The following ATP8A2 variants were observed in gnomAD, a reference collection of about 807,000 sequenced individuals.
ATP8A2 encodes phospholipid-transporting ATPase IB.
A neutral mutation model predicts 165.6 loss-of-function variants in ATP8A2; 100 were observed. The ratio of observed to expected loss-of-function variants is 0.60; its 90% CI spans 0.51 to 0.71. The LOEUF (loss-of-function observed/expected upper bound fraction) is 0.71. ATP8A2 is among the 30% of genes least tolerant of loss of function. The pLI is 0.00. For missense variants in ATP8A2, 1,227 were observed against 1,479.5 expected, an observed-to-expected ratio of 0.83 and a Z score of 2.80; for synonymous variants, 543 against 548.8, an observed-to-expected ratio of 0.99 and a Z score of 0.15.
intron 33 of ATP8A2, among the ~76,000 whole-genome samples, chr13:25,875,749 A>G (rs1952805908): frequency 6.6e-6 from 1 of 152,234 alleles, no homozygotes; most frequent in African/African-American, 2.4e-5. Flanking sequence ...ATTCATTGAT[A>G]TTGGCGTTTG....
At chr13:25,482,150 C>T (rs1566171272) in intron 2 of ATP8A2, among the ~76,000 whole-genome samples, 2 of 152,138 alleles carry the variant, frequency 1.3e-5, no homozygotes, top group Non-Finnish European at 1.5e-5. Flanking sequence ...ATAGCATCTT[C>T]CCAAACCCCA....
chr13:25,817,223 A>G (rs1951046014), intron 27 of ATP8A2, among the ~76,000 whole-genome samples: 1 of 152,102 alleles, frequency 6.6e-6, no homozygotes, highest in Non-Finnish European at 1.5e-5. Context: ...TAAGCCTTGA[A>G]CTATAAAAAA....
chr13:25,399,397 CTTTTTTTT>C (rs71077467), intron 1 of ATP8A2, among the ~76,000 whole-genome samples: 1 of 74,058 alleles, frequency 1.4e-5, no homozygotes, highest in Admixed American at 2.1e-4. Context: ...AGTGGTTCTT[CTTTTTTTT>C]TTTTTTTTTT....
chr13:25,809,124 A>C (rs927429542), intron 27 of ATP8A2, among the ~76,000 whole-genome samples: 1 of 152,174 alleles, frequency 6.6e-6, no homozygotes, highest in African/African-American at 2.4e-5. Context: ...ACAGTGAAAT[A>C]CTGCTTTTAA....
chr13:25,783,927 G>A (rs556431207), intron 27 of ATP8A2, among the ~76,000 whole-genome samples: 2 of 152,292 alleles, frequency 1.3e-5, no homozygotes, highest in Non-Finnish European at 2.9e-5. Flanking sequence ...GGTTGATAGA[G>A]CTGGGAGTTT....
At position 25,683,839 on chromosome 13, in the gene ATP8A2, A is replaced by G. The variant is rs865879060; in HGVS notation, c.2212-15334A>G. ...GGGGACAGGCACTTTCCAGTTGGCC[A>G]CAGTCCTCACTACTCCTAATGTCCT... On this transcript the variant is annotated intron_variant, in intron 24 of 36. Coordinates refer to ENST00000381655, the MANE Select transcript of ATP8A2 (RefSeq NM_016529.6). 8.5e-5 allele frequency among the ~76,000 whole-genome samples: 13 copies of G among 152,292 alleles called. 1 individual carries two copies. The highest frequency in any genetic ancestry group is 6.8e-3 in the Middle Eastern group (2 of 294).
In ATP8A2 at chr13:25,726,367, A is replaced by G. The variant is rs1256863967; in HGVS notation, c.2384+27022A>G. Among the ~76,000 whole-genome samples the G allele has an allele frequency of 2.6e-5, 4 of 152,230 alleles. No homozygotes were observed. In the East Asian group the frequency reaches 5.8e-4, roughly 22 times the overall value. On this transcript the variant is annotated intron_variant, in intron 25 of 36. Coordinates refer to ENST00000381655, the MANE Select transcript of ATP8A2 (RefSeq NM_016529.6). ...GTGGGCATGTTCGTTTCCTGTTGCC[A>G]CTGCAACAGATTACCACAAAGGTAG...
chr13:25,884,692 G>A (rs1050562930), intron 33 of ATP8A2, among the ~76,000 whole-genome samples: 1 of 152,274 alleles, frequency 6.6e-6, no homozygotes, highest in Middle Eastern at 3.4e-3. Flanking sequence ...CTCTAACCTT[G>A]GCCTGAGACT....
In ATP8A2 at chr13:25,388,643, A is replaced by T. The variant is rs1023499971; in HGVS notation, c.76+16355A>T. ...ACATAACCGATCAGGTCAGGGGTGGATCTTTAACTACCAGGCCCAGGTGTG... is the reference window on the plus strand; with the variant it reads ...ACATAACCGATCAGGTCAGGGGTGGTTCTTTAACTACCAGGCCCAGGTGTG... On this transcript the variant is annotated intron_variant, in intron 1 of 36. Coordinates refer to ENST00000381655, the MANE Select transcript of ATP8A2 (RefSeq NM_016529.6). Among the ~76,000 whole-genome samples, 5 of 152,256 alleles carry T rather than the reference A, an allele frequency of 3.3e-5. No individual in the cohort carries two copies. The East Asian group carries it at 9.7e-4, about 29-fold the overall frequency.
intron 22 of ATP8A2, among the ~76,000 whole-genome samples, chr13:25,580,529 T>A (rs1045268684): frequency 1.3e-5 from 2 of 151,076 alleles, no homozygotes; most frequent in African/African-American, 4.9e-5. Flanking sequence ...TTCTATAACT[T>A]TTTTTTTTAA....
chr13:25,711,550 T>TA (rs879362105), intron 25 of ATP8A2, among the ~76,000 whole-genome samples: 31 of 146,064 alleles, frequency 2.1e-4, no homozygotes, highest in East Asian at 6.1e-4. Flanking sequence ...TCTCTATATT[T>TA]AAAAAAAAAA....
chr13:25,992,833 C>T, intron 35 of ATP8A2, among the ~76,000 whole-genome samples: 1 of 148,284 alleles, frequency 6.7e-6, no homozygotes, highest in African/African-American at 2.5e-5. Flanking sequence ...TGCTATCCCT[C>T]CCCCCTTCCC....
At chr13:25,386,583 T>A (rs1434124309) in intron 1 of ATP8A2, among the ~76,000 whole-genome samples, 2 of 152,326 alleles carry the variant, frequency 1.3e-5, no homozygotes, top group East Asian at 3.9e-4. Context: ...TTCCAGATTC[T>A]GAAACAATTT....
At chr13:25,629,315 A>G (rs1390998921) in intron 24 of ATP8A2, among the ~76,000 whole-genome samples, 2 of 152,192 alleles carry the variant, frequency 1.3e-5, no homozygotes, top group African/African-American at 4.8e-5. Flanking sequence ...ATTGAAAAGC[A>G]TAGAGGTTTA....
intron 28 of ATP8A2, among the ~76,000 whole-genome samples, chr13:25,833,770 A>G (rs547486458): frequency 6.6e-6 from 1 of 152,364 alleles, no homozygotes; most frequent in African/African-American, 2.4e-5. Flanking sequence ...TTCATGGAAG[A>G]GTAACTTCTG....
At position 25,504,682 on chromosome 13, in the gene ATP8A2, G is replaced by A. The variant is rs1344612491; in HGVS notation, c.222-25317G>A. Among the ~76,000 whole-genome samples the A allele has an allele frequency of 2.1e-5, 3 of 144,838 alleles. No homozygotes were observed. In the Admixed American group the frequency reaches 2.1e-4, roughly 10 times the overall value. On this transcript the variant is annotated intron_variant, in intron 2 of 36. Transcript: ENST00000381655. Reference sequence around the variant, plus strand: ...GTGAACCCGGGAAGCGGAGCTTGCAGTGAGCCGAGATTGCGCCACTGCAGT... The same window carrying A: ...GTGAACCCGGGAAGCGGAGCTTGCAATGAGCCGAGATTGCGCCACTGCAGT...
chr13:25,558,133 C>T (rs2039035585), intron 13 of ATP8A2, among the ~76,000 whole-genome samples: 1 of 152,164 alleles, frequency 6.6e-6, no homozygotes, highest in South Asian at 2.1e-4. Context: ...AACTCCTGAC[C>T]TCAGGTGATC....
At chr13:25,391,395 T>G (rs947809297) in intron 1 of ATP8A2, among the ~76,000 whole-genome samples, 1 of 152,238 alleles carries the variant, frequency 6.6e-6, no homozygotes, top group Non-Finnish European at 1.5e-5. Context: ...CTATTTTATT[T>G]GTCCTTCATT....
chr13:25,801,746 A>G (rs1452554604), intron 27 of ATP8A2, among the ~76,000 whole-genome samples: 5 of 152,208 alleles, frequency 3.3e-5, no homozygotes, highest in Non-Finnish European at 5.9e-5. Context: ...ACTGCTAATA[A>G]AGAACTGCCT....
Sources: gnomAD v4.1 joint callset for allele counts (sites outside exome capture counted in the v4.1 genomes callset) on GRCh38, gnomAD v4.1.1 for gene constraint, MANE v1.5 for transcripts, NCBI Gene and HGNC (gene_info 2026-07-23, HGNC 2026-07-21) for gene names.